The following UNC5D variants were observed in gnomAD, a reference collection of about 807,000 sequenced individuals.
The protein encoded by UNC5D is netrin receptor UNC5D.
A neutral mutation model predicts 105.4 loss-of-function variants in UNC5D; 39 were observed. The ratio of observed to expected loss-of-function variants is 0.37; its 90% CI spans 0.29 to 0.48. UNC5D has a LOEUF of 0.48. Ranked by LOEUF, UNC5D falls within the 20% of genes least tolerant of loss-of-function variation. UNC5D has a pLI of 0.98. For missense variants in UNC5D, 991 were observed against 1,202.4 expected, an observed-to-expected ratio of 0.82 and a Z score of 2.60; for synonymous variants, 452 against 450.4, an observed-to-expected ratio of 1.00 and a Z score of -0.04.
At chr8:35,608,432 C>T in intron 4 of UNC5D, among the ~76,000 whole-genome samples, 1 of 152,142 alleles carries the variant, frequency 6.6e-6, no homozygotes, top group East Asian at 1.9e-4. Context: ...AAAATCTGAT[C>T]TGTATAAATG....
intron 1 of UNC5D, among the ~76,000 whole-genome samples, chr8:35,292,942 G>A (rs1348813371): frequency 3.9e-5 from 6 of 151,938 alleles, no homozygotes; most frequent in East Asian, 3.9e-4. Context: ...CACCCACCTC[G>A]GCCTTCCAAA....
At chr8:35,507,142 G>A (rs1434001859) in intron 1 of UNC5D, among the ~76,000 whole-genome samples, 13 of 130,096 alleles carry the variant, frequency 1.0e-4, no homozygotes, top group African/African-American at 3.2e-4. Context: ...TGCAAGCTCC[G>A]CCTCCCGGGT....
intron 4 of UNC5D, among the ~76,000 whole-genome samples, chr8:35,597,419 A>G (rs1303089430): frequency 6.6e-6 from 1 of 152,162 alleles, no homozygotes; most frequent in African/African-American, 2.4e-5. Context: ...TATCCCTCTC[A>G]TTTAGGACAT....
chr8:35,646,029 T>G (rs1475250669), intron 4 of UNC5D, among the ~76,000 whole-genome samples: 1 of 152,132 alleles, frequency 6.6e-6, no homozygotes, highest in Non-Finnish European at 1.5e-5. Context: ...CAGGAAGTGA[T>G]GTAAATGATG....
intron 11 of UNC5D, among the ~76,000 whole-genome samples, chr8:35,734,448 T>C (rs1263785519): frequency 1.3e-5 from 2 of 152,036 alleles, no homozygotes; most frequent in African/African-American, 2.4e-5. Context: ...TTTGCTCTTG[T>C]TGCCCAGGCT....
At chr8:35,406,460 C>T (rs1804806519) in intron 1 of UNC5D, among the ~76,000 whole-genome samples, 1 of 152,132 alleles carries the variant, frequency 6.6e-6, no homozygotes, top group African/African-American at 2.4e-5. Flanking sequence ...TTAAACTTAG[C>T]TACCTTAATT....
chr8:35,248,361 GAA>G (rs1803348829), intron 1 of UNC5D, among the ~76,000 whole-genome samples: 2 of 47,252 alleles, frequency 4.2e-5, no homozygotes, highest in Non-Finnish European at 8.8e-5. Flanking sequence ...TGTTATATAA[GAA>G]ATAGATATAA....
At chr8:35,724,614 A>C (rs1405376131) in intron 9 of UNC5D, among the ~76,000 whole-genome samples, 1 of 152,174 alleles carries the variant, frequency 6.6e-6, no homozygotes, top group Non-Finnish European at 1.5e-5. Context: ...TTCCCGCTCA[A>C]GTGCTGTCTC....
intron 3 of UNC5D, among the ~76,000 whole-genome samples, chr8:35,568,447 G>A (rs1229128426): frequency 6.6e-6 from 1 of 152,254 alleles, no homozygotes; most frequent in Admixed American, 6.5e-5. Context: ...CCAGCACTTT[G>A]GGAGGCCAAG....
In UNC5D at chr8:35,313,754, G is replaced by A. The variant is rs117601847; in HGVS notation, c.103+77867G>A. ...AGTTACAGCCCTTTAATACCGTACC[G>A]CAGCTTCATCATTTGTTACATGGAC... is the stretch of plus-strand genomic sequence containing the variant. On this transcript the variant is annotated intron_variant, in intron 1 of 16. Coordinates refer to ENST00000404895, the MANE Select transcript of UNC5D (RefSeq NM_080872.4). 5.0e-3 allele frequency among the ~76,000 whole-genome samples: 763 copies of A among 152,214 alleles called. 4 individuals carry two copies. The highest frequency in any genetic ancestry group is 6.2e-3 in the Non-Finnish European group (420 of 68,012).
chr8:35,418,426 T>C lies in UNC5D; in HGVS notation c.104-130866T>C, dbSNP rs530156786. ...ATGTAAAGGCATTTTGAGCATATTGTTGTTAATCCAAGTGCACATTAGTGA... is the reference window on the plus strand; with the variant it reads ...ATGTAAAGGCATTTTGAGCATATTGCTGTTAATCCAAGTGCACATTAGTGA... On this transcript the variant is annotated intron_variant, in intron 1 of 16. Coordinates refer to ENST00000404895, the MANE Select transcript of UNC5D (RefSeq NM_080872.4). 4.6e-5 allele frequency among the ~76,000 whole-genome samples: 7 copies of C among 152,324 alleles called. No homozygotes were observed. In the South Asian group the frequency reaches 1.4e-3, roughly 32 times the overall value.
At chr8:35,248,659 T>C (rs1803385959) in intron 1 of UNC5D, among the ~76,000 whole-genome samples, 1 of 99,416 alleles carries the variant, frequency 1.0e-5, no homozygotes, top group Non-Finnish European at 1.7e-5. Context: ...TATTTATAAA[T>C]ATAAATATAT....
At chr8:35,430,109 G>T (rs569317512) in intron 1 of UNC5D, among the ~76,000 whole-genome samples, 1 of 151,998 alleles carries the variant, frequency 6.6e-6, no homozygotes, top group Non-Finnish European at 1.5e-5. Context: ...ATGGTGACTG[G>T]TCACTAAAAA....
At chr8:35,429,423 C>G (rs1053965278) in intron 1 of UNC5D, among the ~76,000 whole-genome samples, 45 of 151,832 alleles carry the variant, frequency 3.0e-4, no homozygotes, top group African/African-American at 1.0e-3. Flanking sequence ...ATATTTGTGA[C>G]TTATATGGGT....
chr8:35,533,334 G>T (rs554033931), intron 1 of UNC5D, among the ~76,000 whole-genome samples: 20 of 152,118 alleles, frequency 1.3e-4, no homozygotes, highest in Middle Eastern at 3.4e-3. Context: ...CCCCTGCTGG[G>T]GGGTGCCTCC....
Position 35,442,904 on chromosome 8 carries a change from T to TCACACA in UNC5D, c.104-106361_104-106356dup, listed in dbSNP as rs373759766. ...CTCTGTTTCTCTCTCTCTCTCTCTCTCACACACACACACACACACACACAC... is the reference window on the plus strand; with the variant it reads ...CTCTGTTTCTCTCTCTCTCTCTCTCTCACACACACACACACACACACACACACACAC... On this transcript the variant is annotated intron_variant, in intron 1 of 16. Transcript: ENST00000404895. Among the ~76,000 whole-genome samples the TCACACA allele has an allele frequency of 2.9e-3, 411 of 141,346 alleles. 3 individuals carry two copies. The highest frequency in any genetic ancestry group is 8.6e-3 in the African/African-American group (318 of 36,922). 92.7% of individuals were successfully genotyped at this position (141,346 alleles called of 152,430 possible).
At chr8:35,778,212 G>C (rs571933139) in intron 16 of UNC5D, among the ~76,000 whole-genome samples, 1 of 152,268 alleles carries the variant, frequency 6.6e-6, no homozygotes, top group African/African-American at 2.4e-5. Flanking sequence ...TCTGTCTTCA[G>C]GCTGGTGTGG....
intron 1 of UNC5D, among the ~76,000 whole-genome samples, chr8:35,360,389 A>ATCCT (rs1266033718): frequency 1.3e-5 from 2 of 152,146 alleles, no homozygotes; most frequent in African/African-American, 4.8e-5. Context: ...ATTTTGTCAA[A>ATCCT]TCCTTCCTTC....
chr8:35,708,142 A>G (rs145134535), intron 8 of UNC5D, among the ~76,000 whole-genome samples: 17 of 152,312 alleles, frequency 1.1e-4, no homozygotes, highest in South Asian at 8.3e-4. Flanking sequence ...CATACACATG[A>G]TCTTCCATAA....
Sources: allele counts gnomAD v4.1 joint callset (sites outside exome capture counted in the v4.1 genomes callset), GRCh38; gene constraint gnomAD v4.1.1; transcripts MANE v1.5; gene names NCBI Gene and HGNC (gene_info 2026-07-23, HGNC 2026-07-21).